The following TERF1 variants were observed in gnomAD, a reference collection of about 807,000 sequenced individuals.
The protein encoded by TERF1 is telomeric repeat binding factor 1.
A neutral mutation model predicts 55.1 loss-of-function variants in TERF1; 20 were observed. That is an observed-to-expected ratio of 0.36 (90% CI 0.26 to 0.53). TERF1 has a LOEUF of 0.53. Among genes scored for constraint, TERF1 ranks in the 20% least tolerant of loss-of-function variants. TERF1 has a pLI of 0.91. For synonymous variants in TERF1, 168 were observed against 181.2 expected (o/e 0.93, Z 0.59); for missense variants, 439 against 535.7 (o/e 0.82, Z 1.78).
At chr8:73,021,229 C>G (rs1460642610) in intron 3 of TERF1, among the ~76,000 whole-genome samples, 1 of 152,084 alleles carries the variant, frequency 6.6e-6, no homozygotes, top group Non-Finnish European at 1.5e-5. Flanking sequence ...ATACTAGGTA[C>G]TTTCTTAGTT....
intron 2 of TERF1, 29 bp from the exon 3 acceptor site, chr8:73,020,655 G>A: frequency 6.4e-7 from 1 of 1,566,856 alleles, no homozygotes; most frequent in Non-Finnish European, 8.6e-7. Context: ...AGCTTTCTGA[G>A]TTACTTATTT....
At chr8:73,014,506 T>G (rs763727316) in intron 2 of TERF1, among the ~76,000 whole-genome samples, 11 of 152,210 alleles carry the variant, frequency 7.2e-5, no homozygotes, top group Non-Finnish European at 1.0e-4. Flanking sequence ...AAGTACAGTT[T>G]ATAGCTGTAA....
chr8:73,035,421 ATT>A (rs747567226), intron 8 of TERF1, among the ~76,000 whole-genome samples: 2 of 144,222 alleles, frequency 1.4e-5, no homozygotes, highest in African/African-American at 2.5e-5. Context: ...TGCTTCGTAG[ATT>A]TTTTTTTTTT....
At chr8:73,043,068 T>C (rs761748624) in intron 9 of TERF1, 1 of 152,212 alleles carries the variant, frequency 6.6e-6, no homozygotes, top group Non-Finnish European at 1.5e-5. Flanking sequence ...ACTGCCCTTA[T>C]GTTTTCTTTC....
At chr8:73,029,262 A>C (rs1809171460) in intron 6 of TERF1, among the ~76,000 whole-genome samples, 1 of 152,218 alleles carries the variant, frequency 6.6e-6, no homozygotes, top group East Asian at 1.9e-4. Context: ...TGGTGTTTGA[A>C]GGGGATTAGT....
chr8:73,019,413 C>G (rs551935736), intron 2 of TERF1, among the ~76,000 whole-genome samples: 25 of 152,242 alleles, frequency 1.6e-4, no homozygotes, highest in African/African-American at 5.8e-4. Flanking sequence ...ATTTTTTCCT[C>G]ATGCTCTACA....
chr8:73,017,162 G>A (rs1216471749), intron 2 of TERF1, among the ~76,000 whole-genome samples: 1 of 152,156 alleles, frequency 6.6e-6, no homozygotes, highest in Admixed American at 6.6e-5. Flanking sequence ...TTATAAGAAG[G>A]AAGGCAGATA....
intron 6 of TERF1, among the ~76,000 whole-genome samples, chr8:73,028,002 C>T (rs1056499356): frequency 6.6e-6 from 1 of 152,144 alleles, no homozygotes; most frequent in African/African-American, 2.4e-5. Flanking sequence ...AGTCTTATTT[C>T]ACATTGATGT....
At chr8:73,021,993 G>C (rs772319565) in intron 3 of TERF1, among the ~76,000 whole-genome samples, 3 of 152,114 alleles carry the variant, frequency 2.0e-5, no homozygotes, top group Non-Finnish European at 4.4e-5. Flanking sequence ...GGGCATTTAT[G>C]AATAAATGTG....
chr8:73,025,177 T>G (rs1049155993), intron 5 of TERF1, among the ~76,000 whole-genome samples: 2 of 152,182 alleles, frequency 1.3e-5, no homozygotes, highest in Non-Finnish European at 2.9e-5. Context: ...AAAATTAGTT[T>G]GGGGAAATTT....
intron 6 of TERF1, among the ~76,000 whole-genome samples, chr8:73,027,518 A>T (rs1403420332): frequency 1.3e-5 from 2 of 152,214 alleles, no homozygotes; most frequent in African/African-American, 4.8e-5. Flanking sequence ...AAGTTGTGTC[A>T]GTCCTATATA....
chr8:73,024,992 T>A, intron 5 of TERF1, 21 bp downstream of exon 5: 1 of 1,406,082 alleles, frequency 7.1e-7, no homozygotes, highest in Admixed American at 2.3e-5. Context: ...TATTCAAGAG[T>A]GACTAATAAT....
At position 73,040,353 on chromosome 8, in the gene TERF1, A is replaced by T. The variant is rs567915255; in HGVS notation, c.1143+1134A>T. ...TCTGTAGACAGAGTTGCTTTTTCAT[A>T]CACCTAAGTTGCACTGATTATTTAT... On this transcript the variant is annotated intron_variant, in intron 9 of 9. Transcript: ENST00000276603. Among the ~76,000 whole-genome samples the T allele has an allele frequency of 8.3e-4, 126 of 152,240 alleles. No homozygotes were observed. In the Middle Eastern group the frequency reaches 0.01, roughly 12 times the overall value.
At chr8:73,010,999 A>G (rs781081743) in intron 1 of TERF1, 4 of 152,226 alleles carry the variant, frequency 2.6e-5, no homozygotes, top group Non-Finnish European at 5.9e-5. Flanking sequence ...TCAGTAAACC[A>G]TGGTGTAAAC....
intron 8 of TERF1, chr8:73,038,888 T>A: frequency 1.9e-6 from 1 of 527,604 alleles, no homozygotes; most frequent in Non-Finnish European, 2.7e-6. Flanking sequence ...TGAAATGATT[T>A]ATTTAAAGAC....
intron 6 of TERF1, 163 bp from the exon 7 acceptor site, chr8:73,030,173 A>G (rs1462114326): frequency 2.4e-6 from 1 of 422,798 alleles, no homozygotes; most frequent in East Asian, 3.6e-5. Context: ...CTGGACAAGA[A>G]TTAGCCATGT....
rs1809265474 is a variant in TERF1, at chr8:73,031,158, G to A, written c.947+763G>A. 2.6e-5 allele frequency: 4 copies of A among 152,212 alleles called. No homozygotes were observed. The South Asian group carries it at 8.3e-4, about 32-fold the overall frequency. The allele number at this position is 152,212 out of a possible 1,614,324, so 9.4% of individuals were successfully genotyped here. The stretch of plus-strand genomic sequence containing the variant: ...AGGATCTTGAAAGTGGCATTCATTA[G>A]GAAATGAAAACTGCTGTCTCTGGAG... On this transcript the variant is annotated intron_variant, in intron 7 of 9. Coordinates refer to ENST00000276603, the MANE Select transcript of TERF1 (RefSeq NM_017489.3).
chr8:73,042,681 G>A (rs181937712), intron 9 of TERF1, among the ~76,000 whole-genome samples: 3 of 151,994 alleles, frequency 2.0e-5, no homozygotes, highest in East Asian at 3.9e-4. Flanking sequence ...TTTACTATTC[G>A]TAGTATCATT....
intron 2 of TERF1, among the ~76,000 whole-genome samples, chr8:73,017,103 T>G (rs1437392100): frequency 2.0e-5 from 3 of 152,210 alleles, no homozygotes; most frequent in Non-Finnish European, 4.4e-5. Flanking sequence ...GTCTATACTG[T>G]AAATTTTTTG....
Sources: gnomAD v4.1 joint callset for allele counts (sites outside exome capture counted in the v4.1 genomes callset) on GRCh38, gnomAD v4.1.1 for gene constraint, MANE v1.5 for transcripts, NCBI Gene and HGNC (gene_info 2026-07-23, HGNC 2026-07-21) for gene names.